The following HNRNPUL1 variants were observed in gnomAD, a reference collection of about 807,000 sequenced individuals.
HNRNPUL1 encodes heterogeneous nuclear ribonucleoprotein U-like protein 1.
A neutral mutation model predicts 108.5 loss-of-function variants in HNRNPUL1; 14 were observed. That is an observed-to-expected ratio of 0.13 (90% confidence interval 0.09 to 0.20). HNRNPUL1 has a LOEUF of 0.20. HNRNPUL1 is among the 10% of genes least tolerant of loss of function. The pLI, the probability that HNRNPUL1 is intolerant of heterozygous loss-of-function variation, is 1.00. For missense variants in HNRNPUL1, 804 were observed against 1,168.3 expected, an observed-to-expected ratio of 0.69 and a Z score of 4.55; for synonymous variants, 422 against 445.2, an observed-to-expected ratio of 0.95 and a Z score of 0.66.
At chr19:41,293,106 T>C (rs1236981135) in intron 8 of HNRNPUL1, among the ~76,000 whole-genome samples, 1 of 152,226 alleles carries the variant, frequency 6.6e-6, no homozygotes, top group African/African-American at 2.4e-5. Context: ...ATAAATGGCC[T>C]TTGGGAAGAT....
At chr19:41,263,051 A>G (rs2034597629), upstream of HNRNPUL1, 3 of 152,126 alleles carry the variant, frequency 2.0e-5, no homozygotes, top group Admixed American at 2.0e-4. Flanking sequence ...AAAAAAAAAA[A>G]AAAAAAAAAA....
At chr19:41,297,347 G>T (rs2036951624) in intron 10 of HNRNPUL1, among the ~76,000 whole-genome samples, 1 of 152,212 alleles carries the variant, frequency 6.6e-6, no homozygotes, top group Non-Finnish European at 1.5e-5. Context: ...ATGATTAAAA[G>T]AGTTGGGGCT....
At chr19:41,265,288 G>A (rs2034756935) in intron 1 of HNRNPUL1, 1 of 1,446,762 alleles carries the variant, frequency 6.9e-7, no homozygotes, top group Non-Finnish European at 9.2e-7. Context: ...GAGTTCTGAG[G>A]AAGGAGGATC....
upstream of HNRNPUL1, among the ~76,000 whole-genome samples, chr19:41,263,425 G>T (rs2034617471): frequency 6.6e-6 from 1 of 152,164 alleles, no homozygotes; most frequent in Admixed American, 6.5e-5. Flanking sequence ...TGAACTTCTG[G>T]ATGTCTTTCG....
In HNRNPUL1 at chr19:41,301,655, C is replaced by G. The variant is rs771581074; in HGVS notation, c.1638C>G (p.Thr546=). The part of the protein sequence containing the change: ...EDLKDRTIKR[T]DEEGKDVPDH... ...TAAAAGACCGAACAATAAAGCGAAC[C>G]GACGAGGAAGGGAAGGATGTCCCAG... The change falls in exon 11 of 15, where the codon ACC becomes ACG. Residue 546 remains threonine (T), a synonymous_variant. Coordinates refer to ENST00000392006, the MANE Select transcript of HNRNPUL1 (RefSeq NM_007040.6). 2 of 1,613,992 alleles carry G rather than the reference C, an allele frequency of 1.2e-6. No homozygotes were observed. The highest frequency in any genetic ancestry group is 1.7e-5 in the Admixed American group (1 of 59,984).
At chr19:41,266,562 T>C (rs1460510163) in intron 1 of HNRNPUL1, among the ~76,000 whole-genome samples, 1 of 152,056 alleles carries the variant, frequency 6.6e-6, no homozygotes, top group Admixed American at 6.6e-5. Context: ...AGTGCTGGGA[T>C]TACAGGCGTG....
intron 1 of HNRNPUL1, 109 bp downstream of exon 1, chr19:41,264,907 G>T: frequency 7.5e-7 from 1 of 1,342,258 alleles, no homozygotes; most frequent in South Asian, 2.0e-5. Context: ...CTGAGGATCG[G>T]GGGATCCCGC....
intron 7 of HNRNPUL1, among the ~76,000 whole-genome samples, chr19:41,281,739 G>A (rs2035910969): frequency 6.6e-6 from 1 of 152,146 alleles, no homozygotes; most frequent in African/African-American, 2.4e-5. Context: ...TGGAAGAGTA[G>A]AGATGATGCA....
intron 5 of HNRNPUL1, 89 bp downstream of exon 5, chr19:41,276,387 G>A: frequency 1.4e-6 from 2 of 1,413,320 alleles, no homozygotes; most frequent in Non-Finnish European, 1.9e-6. Context: ...AGCTGCAACT[G>A]CAAAAGAGAT....
chr19:41,273,079 A>T (rs1401966248), intron 3 of HNRNPUL1, among the ~76,000 whole-genome samples: 1 of 152,186 alleles, frequency 6.6e-6, no homozygotes, highest in African/African-American at 2.4e-5. Context: ...CCCACCTCAT[A>T]TGGGGTTCTT....
At chr19:41,267,014 A>T (rs557533940) in intron 1 of HNRNPUL1, among the ~76,000 whole-genome samples, 2 of 152,332 alleles carry the variant, frequency 1.3e-5, no homozygotes, top group East Asian at 3.9e-4. Flanking sequence ...CATCTCTGAG[A>T]GGAAAGCGAA....
intron 2 of HNRNPUL1, among the ~76,000 whole-genome samples, chr19:41,268,732 C>G (rs1205060842): frequency 1.3e-5 from 2 of 151,944 alleles, no homozygotes; most frequent in Non-Finnish European, 2.9e-5. Flanking sequence ...GTGGCAGGCA[C>G]CTGTAATCCC....
chr19:41,281,070 A>ATTTTTTT, intron 6 of HNRNPUL1, 93 bp from the exon 7 acceptor site: 1 of 821,156 alleles, frequency 1.2e-6, no homozygotes, highest in Non-Finnish European at 2.1e-6. Context: ...AAAGAAAATG[A>ATTTTTTT]TTTTTTTCTT....
At position 41,276,308 on chromosome 19, in the gene HNRNPUL1, A is replaced by G. The variant is rs752292786; in HGVS notation, c.786+10A>G. 3 of 1,596,948 alleles carry G rather than the reference A, an allele frequency of 1.9e-6. No individual in the cohort carries two copies. Among genetic ancestry groups the G allele is most frequent in the Admixed American group, 1.7e-5 (1 of 58,174 alleles). On this transcript the variant is annotated intron_variant, in intron 5 of 14. Coordinates refer to ENST00000392006, the MANE Select transcript of HNRNPUL1 (RefSeq NM_007040.6). ...ATGCTTCGAGATGAAGGTGAGTAGG[A>G]GCAAGAGAAGGGGAAGGGACAGAGA...
At chr19:41,267,067 G>A (rs1373256223) in intron 1 of HNRNPUL1, among the ~76,000 whole-genome samples, 5 of 152,214 alleles carry the variant, frequency 3.3e-5, no homozygotes, top group Admixed American at 6.5e-5. Flanking sequence ...GACAGACTTC[G>A]TTTCAAATCT....
In HNRNPUL1 at chr19:41,305,839, C is replaced by T. The variant is rs2037514312; in HGVS notation, c.2426C>T (p.Pro809Leu). Residue 809 changes from proline (P) to leucine (L), a missense_variant, in exon 14 of 15, where the codon CCT becomes CTT. Pro to Leu is a moderately conservative substitution (Grantham distance 98). This residue lies in a region of HNRNPUL1 where 294 missense variants were observed against 388.3 expected (regional missense o/e 0.76). Coordinates refer to ENST00000392006, the MANE Select transcript of HNRNPUL1 (RefSeq NM_007040.6). ...CCACCCCCCACTGCACAGACCTACC[C>T]TCAGCCCAGCTATAACCAGTATCAG... ...PPPPPTAQTY[P>L]QPSYNQYQQY... 1.2e-6 allele frequency: 2 copies of T among 1,610,726 alleles called. No homozygotes were observed. Among genetic ancestry groups the T allele is most frequent in the Non-Finnish European group, 1.7e-6 (2 of 1,178,532 alleles).
At chr19:41,293,488 A>G (rs1292295541) in intron 8 of HNRNPUL1, among the ~76,000 whole-genome samples, 1 of 152,200 alleles carries the variant, frequency 6.6e-6, no homozygotes, top group African/African-American at 2.4e-5. Flanking sequence ...TGGCCTTACA[A>G]ACTCGCCACT....
chr19:41,267,572 A>G (rs1417919360), intron 1 of HNRNPUL1, among the ~76,000 whole-genome samples: 3 of 152,170 alleles, frequency 2.0e-5, no homozygotes, highest in South Asian at 2.1e-4. Flanking sequence ...TTTGGGCTGC[A>G]CCTGGTTTGT....
At position 41,292,414 on chromosome 19, in the gene HNRNPUL1, A is replaced by G. The variant is rs763580084; in HGVS notation, c.1169A>G (p.Tyr390Cys). The change falls in exon 8 of 15, where the codon TAC becomes TGC. Residue 390 changes from tyrosine (Y) to cysteine (C), a missense_variant. This residue lies in a region of HNRNPUL1 where 174 missense variants were observed against 296.6 expected (regional missense o/e 0.59). Transcript: ENST00000392006. This position sits in a 1 kb window ranked among gnomAD's most constrained non-coding sequence, Gnocchi z 4.1. Reference sequence around the variant, plus strand: ...AACTTCGGACAGAGAGCAGAGCCCTACTGTTCTGTCCTCCCGGGGTTTACC... The same window carrying G: ...AACTTCGGACAGAGAGCAGAGCCCTGCTGTTCTGTCCTCCCGGGGTTTACC... ...EFNFGQRAEPYCSVLPGFTFI... is the reference protein window; with the variant it reads ...EFNFGQRAEPCCSVLPGFTFI... 3 of 1,614,142 alleles carry G rather than the reference A, an allele frequency of 1.9e-6. No homozygotes were observed. Among genetic ancestry groups the G allele is most frequent in the Non-Finnish European group, 8.5e-7 (1 of 1,180,018 alleles).
Sources: allele counts gnomAD v4.1 joint callset (sites outside exome capture counted in the v4.1 genomes callset), GRCh38; gene constraint gnomAD v4.1.1; regional missense constraint gnomAD v4.1.1; non-coding constraint Gnocchi (gnomAD v3.1); transcripts MANE v1.5; gene names NCBI Gene and HGNC (gene_info 2026-07-23, HGNC 2026-07-21).